TSPAN2: variants seen among roughly 807,000 people sequenced by gnomAD.
TSPAN2 encodes tetraspanin 2.
TSPAN2 carries 24 observed loss-of-function variants against 33.3 expected under a neutral mutation model. The observed-to-expected ratio is 0.72, with a 90% CI of 0.52 to 1.01. TSPAN2 has a LOEUF of 1.01. TSPAN2 is among the 50% of genes least tolerant of loss of function. The pLI, the probability that TSPAN2 is intolerant of heterozygous loss-of-function variation, is 0.00. For missense variants in TSPAN2, 278 were observed against 281.3 expected (o/e 0.99, Z 0.08); for synonymous variants, 114 against 104.5 (o/e 1.09, Z -0.56).
intron 1 of TSPAN2, among the ~76,000 whole-genome samples, chr1:115,078,819 A>G (rs552369027): frequency 1.8e-4 from 27 of 152,348 alleles, no homozygotes; most frequent in African/African-American, 6.0e-4. Context: ...GCAATTGCGA[A>G]CAACCTCCTT....
chr1:115,089,412 G>A lies in TSPAN2; in HGVS notation c.21C>T (p.Gly7=). MGRFRG[G]LRCIKYLLLG... Reference sequence around the variant, plus strand: ...GCAGCAGGTACTTGATGCACCGCAGGCCCCCGCGGAAGCGCCCCATGCTGC... The same window carrying A: ...GCAGCAGGTACTTGATGCACCGCAGACCCCCGCGGAAGCGCCCCATGCTGC... The change falls in exon 1 of 8, where the codon GGC becomes GGT. Residue 7 remains glycine (G), a synonymous_variant. Coordinates refer to ENST00000369516, the MANE Select transcript of TSPAN2 (RefSeq NM_005725.6). The A allele has an allele frequency of 6.3e-7, 1 of 1,587,722 alleles. No individual in the cohort carries two copies. The highest frequency in any genetic ancestry group is 1.4e-5 in the African/African-American group (1 of 73,428).
At chr1:115,077,823 A>G (rs1648475497) in intron 1 of TSPAN2, among the ~76,000 whole-genome samples, 4 of 152,202 alleles carry the variant, frequency 2.6e-5, no homozygotes, top group Admixed American at 2.0e-4. Context: ...CTGCGGTTGG[A>G]GTGGGGTGGT....
intron 2 of TSPAN2, among the ~76,000 whole-genome samples, chr1:115,070,072 C>T (rs146973430): frequency 4.3e-4 from 66 of 152,248 alleles, no homozygotes; most frequent in East Asian, 4.1e-3. Context: ...AGGTTGCTCC[C>T]GGGGAGGTCT....
intron 1 of TSPAN2, among the ~76,000 whole-genome samples, chr1:115,076,885 T>C (rs937919084): frequency 7.3e-5 from 11 of 150,994 alleles, no homozygotes; most frequent in African/African-American, 1.2e-4. Context: ...AGAATGCACA[T>C]GAGAAATTGC....
chr1:115,076,412 T>A (rs372946604), intron 1 of TSPAN2, among the ~76,000 whole-genome samples: 1 of 152,126 alleles, frequency 6.6e-6, no homozygotes. Flanking sequence ...AGCCCACACT[T>A]TGATGGAAAC....
chr1:115,074,012 G>A (rs1039306629), intron 1 of TSPAN2, among the ~76,000 whole-genome samples: 1 of 152,132 alleles, frequency 6.6e-6, no homozygotes, highest in African/African-American at 2.4e-5. Flanking sequence ...TGGGCCCAGG[G>A]CACCATGGGA....
intron 1 of TSPAN2, among the ~76,000 whole-genome samples, chr1:115,089,102 G>A (rs1242992873): frequency 1.3e-5 from 2 of 152,132 alleles, no homozygotes; most frequent in African/African-American, 4.8e-5. Context: ...ACCAAGGCAG[G>A]TGGGGGTTCC....
chr1:115,074,303 G>A (rs1382111220), intron 1 of TSPAN2, among the ~76,000 whole-genome samples: 2 of 152,138 alleles, frequency 1.3e-5, no homozygotes, highest in African/African-American at 2.4e-5. Context: ...CCTTCTGGAC[G>A]ATCTGGCTGG....
Position 115,049,067 on chromosome 1 carries a change from C to A in TSPAN2, c.*1423G>T, listed in dbSNP as rs548988889. 1 of 152,006 alleles carries A rather than the reference C, an allele frequency of 6.6e-6. No individual in the cohort carries two copies. The highest frequency in any genetic ancestry group is 6.5e-5 in the Admixed American group (1 of 15,268). 9.4% of individuals were successfully genotyped at this position (152,006 alleles called of 1,614,324 possible). ...TCATCTGGGGGTTTCCAAAGCCTTC[C>A]GTATTTTCACTTATGTGTGGCCTTA... On this transcript the variant is annotated 3_prime_UTR_variant, in exon 8 of 8. Transcript: ENST00000369516.
At chr1:115,057,801 C>T (rs1025618052) in intron 5 of TSPAN2, among the ~76,000 whole-genome samples, 193 bp from the exon 6 acceptor site, 8 of 152,214 alleles carry the variant, frequency 5.3e-5, no homozygotes, top group Non-Finnish European at 5.9e-5. Flanking sequence ...AAAATGACTT[C>T]GCTAAAGCCA....
At chr1:115,079,254 T>C (rs1276268142) in intron 1 of TSPAN2, among the ~76,000 whole-genome samples, 1 of 152,180 alleles carries the variant, frequency 6.6e-6, no homozygotes, top group Non-Finnish European at 1.5e-5. Context: ...CATTTGCAAT[T>C]CTCTTCTTTG....
intron 1 of TSPAN2, among the ~76,000 whole-genome samples, chr1:115,079,857 G>T (rs1648558514): frequency 6.6e-6 from 1 of 152,162 alleles, no homozygotes; most frequent in Admixed American, 6.5e-5. Flanking sequence ...CTTCCTTCAG[G>T]TAAGAGTATA....
intron 2 of TSPAN2, among the ~76,000 whole-genome samples, chr1:115,068,331 A>G (rs1648030442): frequency 6.6e-6 from 1 of 152,232 alleles, no homozygotes; most frequent in Non-Finnish European, 1.5e-5. Context: ...AGGATGCCAG[A>G]AAGGAAAGCT....
In TSPAN2 at chr1:115,060,620, A is replaced by G. The variant is rs1317728617; in HGVS notation, c.271-82T>C. ...TTTTGCACCTTAGTTTCCTTATGTA[A>G]TGGCTGAATCGCTTTCATGTGGTTC... is the stretch of plus-strand genomic sequence containing the variant. On this transcript the variant is annotated intron_variant, in intron 3 of 7. Transcript: ENST00000369516. 2.8e-6 allele frequency: 3 copies of G among 1,060,910 alleles called. No homozygotes were observed. The African/African-American group carries it at 4.8e-5, about 17-fold the overall frequency. 65.7% of individuals were successfully genotyped at this position (1,060,910 alleles called of 1,614,324 possible). A position where few individuals can be genotyped will look rare whatever the true frequency, so the allele number is the denominator to read the frequency against.
At chr1:115,068,875 C>G (rs76655793) in intron 2 of TSPAN2, among the ~76,000 whole-genome samples, 2 of 152,240 alleles carry the variant, frequency 1.3e-5, no homozygotes, top group South Asian at 4.1e-4. Context: ...TTCTTGTTGC[C>G]ACTATCCAGA....
chr1:115,059,047 A>G, intron 4 of TSPAN2, 66 bp from the exon 5 acceptor site: 12 of 1,225,478 alleles, frequency 9.8e-6, no homozygotes, highest in East Asian at 2.3e-5. Context: ...TCCTTTCATC[A>G]AGGAAAATCT....
At chr1:115,082,609 A>G (rs777463753) in intron 1 of TSPAN2, among the ~76,000 whole-genome samples, 63 of 152,210 alleles carry the variant, frequency 4.1e-4, no homozygotes, top group Admixed American at 5.2e-4. Context: ...CTCAATTTCC[A>G]TGTTACTTTT....
At chr1:115,072,678 C>T (rs1234375477) in intron 2 of TSPAN2, among the ~76,000 whole-genome samples, 2 of 152,138 alleles carry the variant, frequency 1.3e-5, no homozygotes, top group Non-Finnish European at 2.9e-5. Context: ...AGGAACAGAC[C>T]GTGTGAGGGC....
intron 1 of TSPAN2, among the ~76,000 whole-genome samples, chr1:115,085,835 T>A (rs190361774): frequency 6.6e-6 from 1 of 152,186 alleles, no homozygotes; most frequent in East Asian, 1.9e-4. Flanking sequence ...CCACCCCCCA[T>A]GAAACTGGGG....
Sources: gnomAD v4.1 joint callset for allele counts (sites outside exome capture counted in the v4.1 genomes callset) on GRCh38, gnomAD v4.1.1 for gene constraint, MANE v1.5 for transcripts, NCBI Gene and HGNC (gene_info 2026-07-23, HGNC 2026-07-21) for gene names.